Variants in MLIP observed in about 807,000 individuals in gnomAD.
The protein encoded by MLIP is muscular LMNA-interacting protein.
In MLIP, 79 loss-of-function variants were observed where a neutral mutation model predicts 84.8. The observed-to-expected ratio is 0.93, with a 90% CI of 0.78 to 1.12. MLIP has a LOEUF of 1.12. Ranked by LOEUF, MLIP falls within the 50% of genes most tolerant of loss-of-function variation. MLIP has a pLI of 0.00. For missense variants in MLIP, 1,257 were observed against 1,160.6 expected (o/e 1.08, Z -1.21); for synonymous variants, 504 against 463.0 (o/e 1.09, Z -1.14).
chr6:54,152,105 C>A lies in MLIP; in HGVS notation c.2289+2978C>A, dbSNP rs968727110. Among the ~76,000 whole-genome samples the A allele has an allele frequency of 5.9e-5, 9 of 152,156 alleles. No individual in the cohort carries two copies. The Middle Eastern group carries it at 0.01, about 173-fold the overall frequency. The stretch of plus-strand genomic sequence containing the variant: ...TAGCTTAAGTCTTAAATAAGGATTT[C>A]TAGGGAGAGATAAATGTAAGGTATG... On this transcript the variant is annotated intron_variant, in intron 5 of 13. Coordinates refer to ENST00000502396, the MANE Select transcript of MLIP (RefSeq NM_001281747.2).
intron 10 of MLIP, among the ~76,000 whole-genome samples, chr6:54,190,801 T>G (rs1428107967): frequency 2.6e-5 from 4 of 150,988 alleles, no homozygotes; most frequent in Non-Finnish European, 3.0e-5. Flanking sequence ...ATTTTCTTTT[T>G]TTTTTTTTTT....
chr6:54,070,206 C>T (rs1766399229), intron 1 of MLIP, among the ~76,000 whole-genome samples: 1 of 152,186 alleles, frequency 6.6e-6, no homozygotes, highest in African/African-American at 2.4e-5. Context: ...CAGCTTACCC[C>T]GTAAGCCTGT....
At chr6:54,057,409 CACA>C (rs928112835) in intron 1 of MLIP, among the ~76,000 whole-genome samples, 2 of 152,160 alleles carry the variant, frequency 1.3e-5, no homozygotes, top group African/African-American at 4.8e-5. Flanking sequence ...ACAGTAAATT[CACA>C]ACAAACTATC....
chr6:54,258,459 C>A (rs1783167082), intron 13 of MLIP, among the ~76,000 whole-genome samples: 1 of 151,876 alleles, frequency 6.6e-6, no homozygotes, highest in African/African-American at 2.4e-5. Flanking sequence ...TATCCTTGAC[C>A]ACATCTCTGG....
intron 1 of MLIP, among the ~76,000 whole-genome samples, chr6:54,099,071 A>G (rs968026100): frequency 1.3e-5 from 2 of 152,222 alleles, no homozygotes; most frequent in African/African-American, 4.8e-5. Flanking sequence ...AATCTCAGAT[A>G]CATTTTCATA....
At chr6:54,082,505 T>G (rs773620213) in intron 1 of MLIP, among the ~76,000 whole-genome samples, 5 of 152,200 alleles carry the variant, frequency 3.3e-5, no homozygotes, top group Non-Finnish European at 5.9e-5. Flanking sequence ...CGGATTACAA[T>G]TCAGAGATGA....
At chr6:54,030,697 T>G (rs1300141350) in intron 1 of MLIP, 2 of 152,122 alleles carry the variant, frequency 1.3e-5, no homozygotes, top group African/African-American at 4.8e-5. Context: ...ATTAATTTTT[T>G]TACTTAAGAA....
intron 1 of MLIP, among the ~76,000 whole-genome samples, chr6:54,024,797 T>A (rs887633414): frequency 2.0e-5 from 3 of 152,168 alleles, no homozygotes; most frequent in Non-Finnish European, 4.4e-5. Context: ...TGGGAATGAT[T>A]GTAAAGCATT....
intron 11 of MLIP, among the ~76,000 whole-genome samples, chr6:54,205,619 G>A (rs568858956): frequency 3.4e-4 from 52 of 152,322 alleles, no homozygotes; most frequent in African/African-American, 1.2e-3. Context: ...CTTTTGACCT[G>A]ATTATGAGCT....
chr6:54,237,482 T>C (rs1254174819), intron 12 of MLIP, among the ~76,000 whole-genome samples: 1 of 152,102 alleles, frequency 6.6e-6, no homozygotes, highest in Non-Finnish European at 1.5e-5. Context: ...TGTACAAACA[T>C]ATATACATAT....
chr6:54,023,293 G>A (rs1381117293), intron 1 of MLIP, among the ~76,000 whole-genome samples: 1 of 151,576 alleles, frequency 6.6e-6, no homozygotes, highest in Non-Finnish European at 1.5e-5. Flanking sequence ...CATAAATATT[G>A]CTACCTTGAG....
At chr6:54,119,390 G>A (rs603260) in intron 1 of MLIP, among the ~76,000 whole-genome samples, 149,792 of 152,364 alleles carry the variant, frequency 0.98, 73,692 homozygotes, top group East Asian at 1. Context: ...ATTTGCAACA[G>A]CACAGATGAA....
chr6:54,068,386 C>A (rs1180631471), intron 1 of MLIP, among the ~76,000 whole-genome samples: 2 of 98,188 alleles, frequency 2.0e-5, no homozygotes, highest in African/African-American at 5.2e-5. Flanking sequence ...ATCCACCCAC[C>A]TCAGCCTCCC....
At chr6:54,145,073 G>A (rs1012781673) in intron 4 of MLIP, among the ~76,000 whole-genome samples, 6 of 152,166 alleles carry the variant, frequency 3.9e-5, no homozygotes, top group Non-Finnish European at 7.3e-5. Context: ...TTTTTTAAAT[G>A]TTTACTGAAA....
At chr6:54,138,823 C>T (rs539921059) in intron 4 of MLIP, among the ~76,000 whole-genome samples, 2 of 152,280 alleles carry the variant, frequency 1.3e-5, no homozygotes, top group South Asian at 4.1e-4. Context: ...CAACTATTCT[C>T]AAGTAATTCA....
chr6:54,248,440 T>C (rs917264215), intron 12 of MLIP, among the ~76,000 whole-genome samples: 1 of 152,182 alleles, frequency 6.6e-6, no homozygotes, highest in Non-Finnish European at 1.5e-5. Flanking sequence ...CATTATAACC[T>C]GGGAGCTGTG....
chr6:54,153,385 T>G (rs1773666050), intron 5 of MLIP, among the ~76,000 whole-genome samples: 1 of 152,090 alleles, frequency 6.6e-6, no homozygotes, highest in Non-Finnish European at 1.5e-5. Context: ...CAGGCTAGAT[T>G]TGAAATTCTA....
chr6:54,132,728 G>A (rs1771485022), intron 3 of MLIP, among the ~76,000 whole-genome samples: 1 of 152,156 alleles, frequency 6.6e-6, no homozygotes, highest in South Asian at 2.1e-4. Context: ...TGAGACTATA[G>A]ACATTGAACT....
intron 1 of MLIP, among the ~76,000 whole-genome samples, chr6:54,077,731 T>G (rs1766888854): frequency 6.6e-6 from 1 of 152,208 alleles, no homozygotes; most frequent in Non-Finnish European, 1.5e-5. Flanking sequence ...AAGCATTGAT[T>G]GGTCTTGGCA....
Sources: allele counts gnomAD v4.1 joint callset (sites outside exome capture counted in the v4.1 genomes callset), GRCh38; gene constraint gnomAD v4.1.1; transcripts MANE v1.5; gene names NCBI Gene and HGNC (gene_info 2026-07-23, HGNC 2026-07-21).